Variants in LIMS1 observed in about 807,000 individuals in gnomAD.
The protein encoded by LIMS1 is LIM and senescent cell antigen-like-containing domain protein 1.
In LIMS1, 18 loss-of-function variants were observed where a neutral mutation model predicts 44.1. The observed-to-expected ratio is 0.41, with a 90% confidence interval of 0.28 to 0.61. LIMS1 has a LOEUF of 0.61. Among genes scored for constraint, LIMS1 ranks in the 20% least tolerant of loss-of-function variants. LIMS1 has a pLI of 0.32. For synonymous variants in LIMS1, 93 were observed against 149.1 expected (o/e 0.62, Z 2.74); for missense variants, 201 against 422.0 (o/e 0.48, Z 4.59).
intron 2 of LIMS1, among the ~76,000 whole-genome samples, chr2:108,664,873 G>T (rs1691639829): frequency 6.6e-6 from 1 of 152,156 alleles, no homozygotes; most frequent in East Asian, 1.9e-4. Flanking sequence ...CTCCTATTCT[G>T]GTTTTGAAGG....
At chr2:108,557,814 T>G (rs1684976307) in intron 1 of LIMS1, among the ~76,000 whole-genome samples, 1 of 152,178 alleles carries the variant, frequency 6.6e-6, no homozygotes. Context: ...CCATGCCCAG[T>G]TGGAATTTTC....
chr2:108,589,079 A>G (rs1412774628), intron 1 of LIMS1, among the ~76,000 whole-genome samples: 1 of 152,070 alleles, frequency 6.6e-6, no homozygotes, highest in Non-Finnish European at 1.5e-5. Flanking sequence ...GAAATGTACT[A>G]TTTAGCAATA....
At chr2:108,536,274 TTATC>T in intron 1 of LIMS1, among the ~76,000 whole-genome samples, 1 of 152,212 alleles carries the variant, frequency 6.6e-6, no homozygotes, top group East Asian at 1.9e-4. Context: ...CCAGAAATCT[TTATC>T]TTACAAAACT....
At chr2:108,582,559 A>G (rs769616376) in intron 1 of LIMS1, among the ~76,000 whole-genome samples, 6 of 152,156 alleles carry the variant, frequency 3.9e-5, no homozygotes, top group Non-Finnish European at 5.9e-5. Context: ...ACTTGAGTCC[A>G]GGAGTTCGAG....
chr2:108,686,067 C>G (rs528285272), exon 10 of LIMS1: 1 of 152,374 alleles, frequency 6.6e-6, no homozygotes, highest in East Asian at 1.9e-4. Flanking sequence ...TGCCTCACAC[C>G]TGTAATCCCA....
intron 1 of LIMS1, among the ~76,000 whole-genome samples, chr2:108,582,282 G>A (rs1307102043): frequency 6.6e-6 from 1 of 152,170 alleles, no homozygotes; most frequent in African/African-American, 2.4e-5. Context: ...AGTTTATCTC[G>A]ATGGTTTCAG....
In LIMS1 at chr2:108,676,883, G is replaced by A. The variant is rs1692602246; in HGVS notation, c.774+185G>A. The A allele has an allele frequency of 3.1e-6, 2 of 638,482 alleles. 1 individual carries two copies. Among genetic ancestry groups the A allele is most frequent in the South Asian group, 5.9e-5 (2 of 33,916 alleles). The allele number at this position is 638,482 out of a possible 1,614,324, so 39.6% of individuals were successfully genotyped here. On this transcript the variant is annotated intron_variant, in intron 7 of 9. Coordinates refer to ENST00000544547, the Ensembl canonical transcript of LIMS1. The stretch of plus-strand genomic sequence containing the variant: ...TAAAATATACAAAGAATACCTGTAT[G>A]TCTTTCATTCAAGTCCACAGTTTGC...
chr2:108,646,884 G>A (rs1176314212), intron 1 of LIMS1, among the ~76,000 whole-genome samples: 1 of 151,992 alleles, frequency 6.6e-6, no homozygotes, highest in Non-Finnish European at 1.5e-5. Flanking sequence ...AACACACCCG[G>A]CTAATTTTTT....
At chr2:108,568,666 A>G (rs763080542) in intron 1 of LIMS1, among the ~76,000 whole-genome samples, 20 of 152,260 alleles carry the variant, frequency 1.3e-4, no homozygotes, top group Non-Finnish European at 2.4e-4. Context: ...CAATTTCTCC[A>G]CATCCCCACC....
rs1469384389 is a variant in LIMS1 at position 108,551,949 on chromosome 2, G to GTA, written c.32+17356_32+17357insAT. ...TATATATGTGTGTGTGTGTGTGTGT[G>GTA]TGTGTATATATATATATATATATGT... On this transcript the variant is annotated intron_variant, in intron 1 of 9. Transcript: ENST00000544547. Among the ~76,000 whole-genome samples, 601 of 97,970 alleles carry GTA rather than the reference G, an allele frequency of 6.1e-3. 2 individuals carry two copies. The highest frequency in any genetic ancestry group is 0.016 in the Admixed American group (126 of 7,792). 64.3% of individuals were successfully genotyped at this position (97,970 alleles called of 152,430 possible). A position where few individuals can be genotyped will look rare whatever the true frequency, so the allele number is the denominator to read the frequency against.
At chr2:108,594,563 T>G (rs1339331981) in intron 1 of LIMS1, among the ~76,000 whole-genome samples, 4 of 152,152 alleles carry the variant, frequency 2.6e-5, no homozygotes, top group Non-Finnish European at 5.9e-5. Context: ...CTACTGAGCG[T>G]ATTCAATAAG....
intron 1 of LIMS1, among the ~76,000 whole-genome samples, chr2:108,626,630 T>G (rs1055647743): frequency 6.6e-6 from 1 of 152,226 alleles, no homozygotes. Flanking sequence ...AATCTGTTTC[T>G]CATTGAATGA....
At chr2:108,609,698 C>G (rs1330918020) in intron 1 of LIMS1, among the ~76,000 whole-genome samples, 1 of 152,158 alleles carries the variant, frequency 6.6e-6, no homozygotes, top group Non-Finnish European at 1.5e-5. Context: ...TTAGAGGAAG[C>G]ACCCAGAAAA....
chr2:108,619,733 T>C (rs1382532100), intron 1 of LIMS1, among the ~76,000 whole-genome samples: 1 of 152,164 alleles, frequency 6.6e-6, no homozygotes, highest in Non-Finnish European at 1.5e-5. Flanking sequence ...TCAGGAGTTC[T>C]AAATTGAAAT....
chr2:108,567,841 G>A (rs759699384), intron 1 of LIMS1, among the ~76,000 whole-genome samples: 1 of 152,166 alleles, frequency 6.6e-6, no homozygotes, highest in Non-Finnish European at 1.5e-5. Context: ...CAAAATGCTA[G>A]GATTACAGGC....
chr2:108,629,931 G>A (rs956249128), intron 1 of LIMS1, among the ~76,000 whole-genome samples: 1 of 152,214 alleles, frequency 6.6e-6, no homozygotes, highest in Non-Finnish European at 1.5e-5. Context: ...TGTCGCTCAT[G>A]CCTGTAATCC....
At chr2:108,540,662 C>A (rs1378295746) in intron 1 of LIMS1, among the ~76,000 whole-genome samples, 2 of 152,118 alleles carry the variant, frequency 1.3e-5, no homozygotes, top group African/African-American at 4.8e-5. Flanking sequence ...AAAGTTGGAA[C>A]CTACTGAACT....
At chr2:108,576,844 T>C (rs761983262) in intron 1 of LIMS1, among the ~76,000 whole-genome samples, 4 of 152,090 alleles carry the variant, frequency 2.6e-5, no homozygotes, top group Non-Finnish European at 4.4e-5. Context: ...CATGGCAACA[T>C]TTGGTAAATA....
At chr2:108,551,883 A>G (rs1202660053) in intron 1 of LIMS1, among the ~76,000 whole-genome samples, 4 of 145,428 alleles carry the variant, frequency 2.8e-5, no homozygotes, top group Non-Finnish European at 6.0e-5. Flanking sequence ...ATATGTATAT[A>G]TGTGTATATA....
Sources: allele counts gnomAD v4.1 joint callset (sites outside exome capture counted in the v4.1 genomes callset), GRCh38; gene constraint gnomAD v4.1.1; transcripts MANE v1.5; gene names NCBI Gene and HGNC (gene_info 2026-07-23, HGNC 2026-07-21).